Variants in THSD4 observed in about 807,000 individuals in gnomAD.
The protein encoded by THSD4 is thrombospondin type 1 domain containing 4, also known as thrombospondin type-1 domain-containing protein 4.
In THSD4, 69 loss-of-function variants were observed where a neutral mutation model predicts 119.0. The ratio of observed to expected loss-of-function variants is 0.58; its 90% CI spans 0.48 to 0.71. The LOEUF is 0.71. Among genes scored for constraint, THSD4 ranks in the 30% least tolerant of loss-of-function variants. THSD4 has a pLI of 0.00. For synonymous variants in THSD4, 524 were observed against 540.4 expected (o/e 0.97, Z 0.42); for missense variants, 1,393 against 1,391.1 (o/e 1.00, Z -0.02).
At chr15:71,747,261 A>T (rs921189073) in intron 13 of THSD4, among the ~76,000 whole-genome samples, 4 of 152,176 alleles carry the variant, frequency 2.6e-5, no homozygotes, top group Non-Finnish European at 5.9e-5. Flanking sequence ...TTTATGAGTG[A>T]GCCCAGGGGG....
chr15:71,506,460 A>G (rs2048189601), intron 7 of THSD4, among the ~76,000 whole-genome samples: 1 of 152,180 alleles, frequency 6.6e-6, no homozygotes, highest in African/African-American at 2.4e-5. Flanking sequence ...TTGTCTCCAG[A>G]GACTGACTCT....
In THSD4 at chr15:71,333,380, A is replaced by T. The variant is rs117842042; in HGVS notation, c.1015+76665A>T. On this transcript the variant is annotated intron_variant, in intron 6 of 17. Coordinates refer to ENST00000261862, the MANE Select transcript of THSD4 (RefSeq NM_024817.3). The stretch of plus-strand genomic sequence containing the variant: ...TGCAGTTGTTAAGCTCACTGTGGTC[A>T]TAGAGAATTGCCCATGGAGATTCCA... Among the ~76,000 whole-genome samples, 489 of 152,328 alleles carry T rather than the reference A, an allele frequency of 3.2e-3. 4 individuals are homozygous for T. The highest frequency in any genetic ancestry group is 5.6e-3 in the Non-Finnish European group (382 of 68,022).
chr15:71,722,340 A>T (rs2052738501), intron 8 of THSD4, among the ~76,000 whole-genome samples: 1 of 152,230 alleles, frequency 6.6e-6, no homozygotes, highest in Non-Finnish European at 1.5e-5. Context: ...TGTATGATTC[A>T]AGATTAACCC....
intron 7 of THSD4, among the ~76,000 whole-genome samples, chr15:71,501,022 T>G (rs2048104348): frequency 6.6e-6 from 1 of 152,194 alleles, no homozygotes; most frequent in African/African-American, 2.4e-5. Context: ...GCCATACCAT[T>G]GGGATTTTGA....
intron 7 of THSD4, among the ~76,000 whole-genome samples, chr15:71,543,398 T>C (rs1291296363): frequency 2.0e-5 from 3 of 151,984 alleles, no homozygotes; most frequent in Non-Finnish European, 2.9e-5. Context: ...GAAGAGATGA[T>C]GGAGGGCTGG....
chr15:71,753,744 C>T (rs573051441), intron 14 of THSD4, among the ~76,000 whole-genome samples: 1 of 152,358 alleles, frequency 6.6e-6, no homozygotes, highest in South Asian at 2.1e-4. Flanking sequence ...CTTCCCCTTG[C>T]TTCTGCTGAC....
intron 3 of THSD4, chr15:71,165,168 C>G: frequency 6.3e-7 from 1 of 1,589,508 alleles, no homozygotes; most frequent in Non-Finnish European, 8.6e-7. Flanking sequence ...TTTTTTGTCT[C>G]CCCTTTGGGA....
chr15:71,214,502 C>T (rs1190215414), intron 3 of THSD4, among the ~76,000 whole-genome samples: 2 of 152,234 alleles, frequency 1.3e-5, no homozygotes, highest in Non-Finnish European at 2.9e-5. Flanking sequence ...AGCTATAACG[C>T]TCACTGTGAA....
chr15:71,325,883 G>A (rs1376464832), intron 6 of THSD4, among the ~76,000 whole-genome samples: 1 of 152,138 alleles, frequency 6.6e-6, no homozygotes, highest in East Asian at 1.9e-4. Flanking sequence ...ATCAAAACCA[G>A]AACCAAAAAA....
chr15:71,234,281 C>G (rs2044084423), intron 4 of THSD4, among the ~76,000 whole-genome samples: 1 of 152,218 alleles, frequency 6.6e-6, no homozygotes, highest in Non-Finnish European at 1.5e-5. Context: ...TGCATTCTGT[C>G]CTAATCTCTG....
At chr15:71,255,703 T>C (rs2044307604) in intron 5 of THSD4, among the ~76,000 whole-genome samples, 1 of 152,224 alleles carries the variant, frequency 6.6e-6, no homozygotes, top group South Asian at 2.1e-4. Flanking sequence ...GCTGCTTGCA[T>C]TTAAATCCAG....
At chr15:71,751,982 G>T (rs570189563) in intron 14 of THSD4, among the ~76,000 whole-genome samples, 2 of 152,176 alleles carry the variant, frequency 1.3e-5, no homozygotes, top group Non-Finnish European at 2.9e-5. Context: ...AATGCTTTTT[G>T]AACTCTTAAT....
intron 3 of THSD4, among the ~76,000 whole-genome samples, chr15:71,157,610 C>G (rs1415904269): frequency 1.3e-5 from 2 of 151,878 alleles, no homozygotes; most frequent in Non-Finnish European, 1.5e-5. Context: ...CCACTCTCCC[C>G]TCTTTTCTTT....
At chr15:71,482,634 G>A (rs1337786052) in intron 7 of THSD4, among the ~76,000 whole-genome samples, 1 of 150,682 alleles carries the variant, frequency 6.6e-6, no homozygotes, top group Non-Finnish European at 1.5e-5. Flanking sequence ...TGCCCAGGCT[G>A]GAGTACAGTG....
At chr15:71,601,320 A>G (rs1484208960) in intron 7 of THSD4, among the ~76,000 whole-genome samples, 1 of 152,174 alleles carries the variant, frequency 6.6e-6, no homozygotes, top group Non-Finnish European at 1.5e-5. Flanking sequence ...CATTTATGAA[A>G]TCAGCCTAGA....
chr15:71,778,969 A>G lies in THSD4; in HGVS notation c.*1595A>G, dbSNP rs979663156. The G allele has an allele frequency of 5.9e-5, 9 of 152,238 alleles. No homozygotes were observed. The highest frequency in any genetic ancestry group is 2.2e-4 in the African/African-American group (9 of 41,464). The allele number at this position is 152,238 out of a possible 1,614,324, so 9.4% of individuals were successfully genotyped here. A position where few individuals can be genotyped will look rare whatever the true frequency, so the allele number is the denominator to read the frequency against. On this transcript the variant is annotated 3_prime_UTR_variant, in exon 18 of 18. Coordinates refer to ENST00000261862, the MANE Select transcript of THSD4 (RefSeq NM_024817.3). ...AAATTTGTCTTATGGTCCTGAGCAT[A>G]TTTCCCTTTTAGAGCAAGCCTGGAT...
At chr15:71,492,686 G>T (rs1595822745) in intron 7 of THSD4, among the ~76,000 whole-genome samples, 1 of 152,244 alleles carries the variant, frequency 6.6e-6, no homozygotes, top group Admixed American at 6.5e-5. Context: ...AAGAAACATG[G>T]CAGTAAAGGA....
chr15:71,572,179 C>A (rs1013996251), intron 7 of THSD4, among the ~76,000 whole-genome samples: 9 of 152,184 alleles, frequency 5.9e-5, no homozygotes, highest in Non-Finnish European at 1.2e-4. Context: ...TTTACAAAAT[C>A]TTTAGCTATT....
chr15:71,193,691 C>G (rs761289531), intron 3 of THSD4, among the ~76,000 whole-genome samples: 5 of 146,414 alleles, frequency 3.4e-5, no homozygotes, highest in Non-Finnish European at 6.0e-5. Context: ...GAATAAGTCT[C>G]ATGAGATCTG....
Sources: gnomAD v4.1 joint callset for allele counts (sites outside exome capture counted in the v4.1 genomes callset) on GRCh38, gnomAD v4.1.1 for gene constraint, MANE v1.5 for transcripts, NCBI Gene and HGNC (gene_info 2026-07-23, HGNC 2026-07-21) for gene names.